The following BTBD1 variants were observed in gnomAD, a reference collection of about 807,000 sequenced individuals.
BTBD1 encodes BTB domain containing 1.
BTBD1 carries 34 observed loss-of-function variants against 48.0 expected under a neutral mutation model. The ratio of observed to expected loss-of-function variants is 0.71; its 90% CI spans 0.54 to 0.94. The LOEUF (loss-of-function observed/expected upper bound fraction) is 0.94. Ranked by LOEUF, BTBD1 falls within the 40% of genes least tolerant of loss-of-function variation. BTBD1 has a pLI of 0.00. For missense variants in BTBD1, 543 were observed against 625.6 expected (o/e 0.87, Z 1.41); for synonymous variants, 261 against 242.1 (o/e 1.08, Z -0.72).
At chr15:83,034,079 A>G (rs1430386564) in intron 4 of BTBD1, among the ~76,000 whole-genome samples, 1 of 143,772 alleles carries the variant, frequency 7.0e-6, no homozygotes, top group Non-Finnish European at 1.5e-5. Flanking sequence ...CAGAGGAGAC[A>G]CTGTCTACAC....
chr15:83,055,147 C>T (rs2033061416), intron 2 of BTBD1, among the ~76,000 whole-genome samples: 1 of 152,122 alleles, frequency 6.6e-6, no homozygotes. Context: ...AAGTATAAAG[C>T]TCAGATTACA....
At position 83,018,012 on chromosome 15, in the gene BTBD1, T is replaced by G; in HGVS notation, c.*55A>C. On this transcript the variant is annotated 3_prime_UTR_variant, in exon 8 of 8. Coordinates refer to ENST00000261721, the MANE Select transcript of BTBD1 (RefSeq NM_025238.4). Reference sequence around the variant, plus strand: ...AACTACTTTTTTGTGGCCATTTATGTTTTTGACACTAGATTGTATGGTATT... The same window carrying G: ...AACTACTTTTTTGTGGCCATTTATGGTTTTGACACTAGATTGTATGGTATT... 8.0e-7 allele frequency: 1 copy of G among 1,244,742 alleles called. No individual in the cohort carries two copies. Among genetic ancestry groups the G allele is most frequent in the Non-Finnish European group, 1.1e-6 (1 of 924,128 alleles). 77.1% of individuals were successfully genotyped at this position (1,244,742 alleles called of 1,614,324 possible).
Position 83,066,846 on chromosome 15 carries a change from G to T in BTBD1, c.306C>A (p.Ala102=), listed in dbSNP as rs759552661. The change falls in exon 1 of 8, where the codon GCC becomes GCA. Residue 102 remains alanine (A), a synonymous_variant. Coordinates refer to ENST00000261721, the MANE Select transcript of BTBD1 (RefSeq NM_025238.4). ...AHRFVLAAGS[A]VFDAMFNGGM... Reference sequence around the variant, plus strand: ...CGCCGTTGAACATGGCGTCAAAGACGGCGCTGCCGGCCGCCAGCACGAAGC... The same window carrying T: ...CGCCGTTGAACATGGCGTCAAAGACTGCGCTGCCGGCCGCCAGCACGAAGC... The T allele has an allele frequency of 1.2e-4, 170 of 1,447,548 alleles. 1 individual carries two copies. The highest frequency in any genetic ancestry group is 2.2e-4 in the Admixed American group (7 of 31,700). 89.7% of individuals were successfully genotyped at this position (1,447,548 alleles called of 1,614,324 possible). A position where few individuals can be genotyped will look rare whatever the true frequency, so the allele number is the denominator to read the frequency against.
chr15:83,049,978 C>A, intron 3 of BTBD1, 95 bp downstream of exon 3: 1 of 647,978 alleles, frequency 1.5e-6, no homozygotes, highest in Non-Finnish European at 2.6e-6. Context: ...TTTGGGAAAG[C>A]CACTGATTTA....
rs1233313433 is a variant in BTBD1, at chr15:83,066,828, G to C, written c.324C>G (p.Phe108Leu). 1 of 1,446,244 alleles carries C rather than the reference G, an allele frequency of 6.9e-7. No individual in the cohort carries two copies. The highest frequency in any genetic ancestry group is 9.1e-7 in the Non-Finnish European group (1 of 1,103,450). The allele number at this position is 1,446,244 out of a possible 1,614,324, so 89.6% of individuals were successfully genotyped here. The change falls in exon 1 of 8, where the codon TTC becomes TTG. Residue 108 changes from phenylalanine to leucine, a missense_variant. Phe to Leu is a conservative substitution (Grantham distance 22). This residue lies in a region of BTBD1 where 173 missense variants were observed against 163.9 expected (regional missense o/e 1.06). Transcript: ENST00000261721. ...AAGSAVFDAM[F>L]NGGMATTSAE... ...CCGACGTGGTGGCCATGCCGCCGTT[G>C]AACATGGCGTCAAAGACGGCGCTGC...
chr15:83,054,336 C>CA (rs1415857715), intron 2 of BTBD1, among the ~76,000 whole-genome samples: 1 of 149,592 alleles, frequency 6.7e-6, no homozygotes, highest in Non-Finnish European at 1.5e-5. Flanking sequence ...GAATCTGCCT[C>CA]AAAAAAAAGA....
At chr15:83,045,830 T>A (rs1242657941) in intron 3 of BTBD1, among the ~76,000 whole-genome samples, 1 of 152,162 alleles carries the variant, frequency 6.6e-6, no homozygotes, top group Non-Finnish European at 1.5e-5. Flanking sequence ...TGTCTCCACT[T>A]GGTATGCTAA....
intron 1 of BTBD1, among the ~76,000 whole-genome samples, chr15:83,056,819 C>G (rs1445486474): frequency 6.6e-6 from 1 of 151,644 alleles, no homozygotes; most frequent in Non-Finnish European, 1.5e-5. Context: ...CACCTCAGCT[C>G]CCTAAGTAGC....
rs748981779 is a variant in BTBD1 at position 83,018,227 on chromosome 15, T to C, written c.1291-2A>G. Reference sequence around the variant, plus strand: ...TGTGCCATAGTGGGAATCTGGACCCTAAATGAGAACAAAAGGTTCCTTAGT... The same window carrying C: ...TGTGCCATAGTGGGAATCTGGACCCCAAATGAGAACAAAAGGTTCCTTAGT... On this transcript the variant is annotated splice_acceptor_variant, in intron 7 of 7. Coordinates refer to ENST00000261721, the MANE Select transcript of BTBD1 (RefSeq NM_025238.4). LOFTEE classifies it high-confidence loss of function. 1.3e-6 allele frequency: 2 copies of C among 1,565,988 alleles called. No individual in the cohort carries two copies. Among genetic ancestry groups the C allele is most frequent in the South Asian group, 2.5e-5 (2 of 80,490 alleles).
intron 2 of BTBD1, among the ~76,000 whole-genome samples, chr15:83,053,513 T>C (rs1439364709): frequency 1.3e-5 from 2 of 152,218 alleles, no homozygotes; most frequent in Non-Finnish European, 2.9e-5. Flanking sequence ...CCTATTCTGG[T>C]CCTACTGAAC....
intron 3 of BTBD1, 28 bp downstream of exon 3, chr15:83,050,045 G>C (rs756762687): frequency 6.2e-5 from 88 of 1,420,052 alleles, no homozygotes; most frequent in Non-Finnish European, 8.5e-5. Context: ...TACTTAAAAT[G>C]TAACAATTTA....
intron 4 of BTBD1, among the ~76,000 whole-genome samples, chr15:83,031,327 T>C (rs2032511597): frequency 6.6e-6 from 1 of 152,230 alleles, no homozygotes; most frequent in African/African-American, 2.4e-5. Context: ...AAATGTCTTC[T>C]TTTGAGAAGT....
chr15:83,064,379 A>G (rs903548705), intron 1 of BTBD1, among the ~76,000 whole-genome samples: 2 of 152,190 alleles, frequency 1.3e-5, no homozygotes, highest in African/African-American at 4.8e-5. Flanking sequence ...GTAAAAATGA[A>G]AAAAAAGTTT....
chr15:83,040,986 T>TA (rs1171672706), intron 4 of BTBD1, among the ~76,000 whole-genome samples: 1 of 151,112 alleles, frequency 6.6e-6, no homozygotes, highest in African/African-American at 2.4e-5. Flanking sequence ...CCTGTCTCTA[T>TA]AAAAAAAATT....
At position 83,066,795 on chromosome 15, in the gene BTBD1, G is replaced by T. The variant is rs1276248616; in HGVS notation, c.357C>A (p.Ile119=). 2.8e-6 allele frequency: 4 copies of T among 1,439,146 alleles called. No individual in the cohort carries two copies. Among genetic ancestry groups the T allele is most frequent in the Non-Finnish European group, 2.7e-6 (3 of 1,099,724 alleles). 89.1% of individuals were successfully genotyped at this position (1,439,146 alleles called of 1,614,324 possible). A position where few individuals can be genotyped will look rare whatever the true frequency, so the allele number is the denominator to read the frequency against. The change falls in exon 1 of 8, where the codon ATC becomes ATA. Residue 119 remains isoleucine, a synonymous_variant. Transcript: ENST00000261721. ...CTGCGGGCTCCACGTCCGGCAGCTCGATCTCGGCCGACGTGGTGGCCATGC... is the reference window on the plus strand; with the variant it reads ...CTGCGGGCTCCACGTCCGGCAGCTCTATCTCGGCCGACGTGGTGGCCATGC... ...NGGMATTSAE[I]ELPDVEPAAF...
chr15:83,021,342 G>C (rs1465419687), intron 5 of BTBD1, among the ~76,000 whole-genome samples: 1 of 152,194 alleles, frequency 6.6e-6, no homozygotes, highest in Non-Finnish European at 1.5e-5. Flanking sequence ...GGATGGGACA[G>C]GATTCGAATG....
chr15:83,064,037 G>A (rs1031161264), intron 1 of BTBD1, among the ~76,000 whole-genome samples: 4 of 152,322 alleles, frequency 2.6e-5, no homozygotes, highest in Middle Eastern at 3.4e-3. Context: ...GAGGCATATA[G>A]TATTTGTCAA....
At chr15:83,020,612 A>G (rs902623420) in intron 6 of BTBD1, 63 bp downstream of exon 6, 17 of 1,119,164 alleles carry the variant, frequency 1.5e-5, no homozygotes, top group South Asian at 4.1e-5. Flanking sequence ...TGTCAAAACA[A>G]TATCTTAAAG....
Position 83,066,781 on chromosome 15 carries a change from A to C in BTBD1, c.371T>G (p.Val124Gly). ...CAGCGCCAGGAAGGCTGCGGGCTCC[A>C]CGTCCGGCAGCTCGATCTCGGCCGA... is the stretch of plus-strand genomic sequence containing the variant. Reference protein sequence around the residue: ...TTSAEIELPDVEPAAFLALLR... With the variant: ...TTSAEIELPDGEPAAFLALLR... Residue 124 changes from valine to glycine, a missense_variant, in exon 1 of 8, where the codon GTG (valine) becomes GGG (glycine). Val to Gly is a moderately radical substitution (Grantham distance 109, BLOSUM62 -3). This residue lies in a region of BTBD1 where 70 missense variants were observed against 111.7 expected (regional missense o/e 0.63). Coordinates refer to ENST00000261721, the MANE Select transcript of BTBD1 (RefSeq NM_025238.4). 1 of 1,430,044 alleles carries C rather than the reference A, an allele frequency of 7.0e-7. No individual in the cohort carries two copies. The highest frequency in any genetic ancestry group is 9.1e-7 in the Non-Finnish European group (1 of 1,096,682). The allele number at this position is 1,430,044 out of a possible 1,614,324, so 88.6% of individuals were successfully genotyped here. A position where few individuals can be genotyped will look rare whatever the true frequency, so the allele number is the denominator to read the frequency against.
Sources: allele counts gnomAD v4.1 joint callset (sites outside exome capture counted in the v4.1 genomes callset), GRCh38; gene constraint gnomAD v4.1.1; regional missense constraint gnomAD v4.1.1; transcripts MANE v1.5; gene names NCBI Gene and HGNC (gene_info 2026-07-23, HGNC 2026-07-21).